PCDH11X: variants seen among roughly 807,000 people sequenced by gnomAD.
The protein encoded by PCDH11X is protocadherin 11 X-linked.
A neutral mutation model predicts 53.3 loss-of-function variants in PCDH11X; 18 were observed. That is an observed-to-expected ratio of 0.34 (90% confidence interval 0.23 to 0.50). PCDH11X has a LOEUF of 0.50. PCDH11X is among the 20% of genes least tolerant of loss of function. PCDH11X has a pLI of 0.98. For missense variants in PCDH11X, 570 were observed against 1,032.4 expected (o/e 0.55, Z 6.14); for synonymous variants, 279 against 393.3 (o/e 0.71, Z 3.44).
chrX:91,807,363 A>C (rs1291979636), intron 1 of PCDH11X, among the ~76,000 whole-genome samples: 2 of 110,078 alleles, frequency 1.8e-5, no homozygotes, highest in African/African-American at 6.6e-5. Context: ...ATTAAAAATA[A>C]ATAAAGGTCA....
chrX:92,515,042 A>G (rs1486505538), intron 10 of PCDH11X, among the ~76,000 whole-genome samples: 12 of 59,307 alleles, frequency 2.0e-4, no homozygotes, highest in African/African-American at 8.0e-4. Flanking sequence ...GCGAGATTCC[A>G]CCTCAAAAAA....
At chrX:92,611,736 A>G (rs943394132) in intron 10 of PCDH11X, among the ~76,000 whole-genome samples, 1 of 103,048 alleles carries the variant, frequency 9.7e-6, no homozygotes, top group African/African-American at 3.6e-5. Context: ...ATGACTCATT[A>G]CTTTAAGGTG....
intron 6 of PCDH11X, among the ~76,000 whole-genome samples, chrX:91,886,804 T>C (rs1300917480): frequency 2.8e-5 from 3 of 107,853 alleles, no homozygotes; most frequent in South Asian, 4.0e-4. Context: ...ACCCCGTCTC[T>C]ACTAAAAATA....
At chrX:92,265,666 C>G (rs940488210) in intron 8 of PCDH11X, among the ~76,000 whole-genome samples, 2 of 110,592 alleles carry the variant, frequency 1.8e-5, no homozygotes, top group Non-Finnish European at 3.8e-5. Context: ...TCACAATAAT[C>G]CTGTAGGCTA....
rs1328117472 is a variant in PCDH11X at position 92,055,750 on chromosome X, A to G, written c.3034-145625A>G. ...GGCCCCAGTGTGTGCTGTCCCCTCT[A>G]TGTGTCAGTGTGTTCTCATCATTTA... On this transcript the variant is annotated intron_variant, in intron 6 of 10. Coordinates refer to ENST00000682573, the MANE Select transcript of PCDH11X (RefSeq NM_032968.5). Among the ~76,000 whole-genome samples, 3 of 109,998 alleles carry G rather than the reference A, an allele frequency of 2.7e-5. No individual in the cohort carries two copies. The Admixed American group carries it at 2.9e-4, about 11-fold the overall frequency.
chrX:91,819,983 C>G, intron 4 of PCDH11X, among the ~76,000 whole-genome samples: 1 of 97,573 alleles, frequency 1.0e-5, no homozygotes, highest in South Asian at 5.1e-4. Flanking sequence ...CATCCATGTC[C>G]CTACAAAGGA....
chrX:92,359,323 T>C (rs2070291387), intron 8 of PCDH11X, among the ~76,000 whole-genome samples: 1 of 110,064 alleles, frequency 9.1e-6, no homozygotes, highest in African/African-American at 3.3e-5. Flanking sequence ...GAGAACTGAC[T>C]GTAATGAAAA....
chrX:92,566,591 C>T (rs1602345850), intron 10 of PCDH11X, among the ~76,000 whole-genome samples: 1 of 95,643 alleles, frequency 1.0e-5, no homozygotes, highest in Non-Finnish European at 2.0e-5. Context: ...TACTTTATTA[C>T]CCAGAGGAAT....
At chrX:92,157,979 C>T (rs189501269) in intron 6 of PCDH11X, among the ~76,000 whole-genome samples, 1 of 111,390 alleles carries the variant, frequency 9.0e-6, no homozygotes, top group Non-Finnish European at 1.9e-5. Flanking sequence ...CTTTGGGGGG[C>T]TGAGGTGGGT....
chrX:91,932,437 T>G (rs1417290663), intron 6 of PCDH11X, among the ~76,000 whole-genome samples: 2 of 92,766 alleles, frequency 2.2e-5, no homozygotes, highest in Non-Finnish European at 4.3e-5. Context: ...AGGAAGAGAG[T>G]ACAGTAAAGA....
intron 6 of PCDH11X, among the ~76,000 whole-genome samples, chrX:91,947,084 G>C (rs1028682484): frequency 9.6e-6 from 1 of 103,685 alleles, no homozygotes; most frequent in Non-Finnish European, 2.0e-5. Context: ...ACTGCAAAGA[G>C]CATGCTACCT....
intron 6 of PCDH11X, among the ~76,000 whole-genome samples, chrX:92,168,811 C>A (rs1243174212): frequency 1.8e-5 from 2 of 111,325 alleles, no homozygotes; most frequent in Non-Finnish European, 3.8e-5. Context: ...TTGGGCATAG[C>A]TGAACTAGAA....
At chrX:92,388,226 ATTTAT>A (rs1165434455) in intron 9 of PCDH11X, among the ~76,000 whole-genome samples, 1 of 111,800 alleles carries the variant, frequency 8.9e-6, no homozygotes, top group African/African-American at 3.2e-5. Context: ...TAAACAGCCA[ATTTAT>A]TTTATTTTAT....
At chrX:92,121,789 G>A (rs35969078) in intron 6 of PCDH11X, among the ~76,000 whole-genome samples, 1 of 109,239 alleles carries the variant, frequency 9.2e-6, no homozygotes, top group Non-Finnish European at 1.9e-5. Flanking sequence ...ACAGTGGCGC[G>A]ATCTCGGCTC....
At chrX:92,259,564 C>T (rs994657346) in intron 7 of PCDH11X, among the ~76,000 whole-genome samples, 13 of 111,704 alleles carry the variant, frequency 1.2e-4, no homozygotes, top group African/African-American at 2.3e-4. Flanking sequence ...TTCACAAGAA[C>T]GCCATTTCCA....
intron 6 of PCDH11X, among the ~76,000 whole-genome samples, chrX:92,178,721 A>G (rs1256835122): frequency 8.9e-6 from 1 of 111,852 alleles, no homozygotes; most frequent in Non-Finnish European, 1.9e-5. Flanking sequence ...TCTTTTGTAT[A>G]TACAGATATT....
intron 6 of PCDH11X, among the ~76,000 whole-genome samples, chrX:92,071,934 A>T (rs2063708301): frequency 9.0e-6 from 1 of 111,170 alleles, no homozygotes; most frequent in East Asian, 2.9e-4. Flanking sequence ...AAGTTCCTAT[A>T]AGCCCAGTGA....
At chrX:91,997,741 A>T (rs1268833261) in intron 6 of PCDH11X, among the ~76,000 whole-genome samples, 1 of 110,641 alleles carries the variant, frequency 9.0e-6, no homozygotes, top group Non-Finnish European at 1.9e-5. Flanking sequence ...GTGGTTTTGG[A>T]GGTGTTCTCT....
At chrX:91,819,560 T>C (rs1397467870) in intron 4 of PCDH11X, among the ~76,000 whole-genome samples, 1 of 110,350 alleles carries the variant, frequency 9.1e-6, no homozygotes, top group Non-Finnish European at 1.9e-5. Flanking sequence ...CTGGTTGTTG[T>C]AGTCATATAT....
Sources: allele counts gnomAD v4.1 joint callset (sites outside exome capture counted in the v4.1 genomes callset), GRCh38; gene constraint gnomAD v4.1.1; transcripts MANE v1.5; gene names NCBI Gene and HGNC (gene_info 2026-07-23, HGNC 2026-07-21).